PIGQ: variants seen among roughly 807,000 people sequenced by gnomAD.
PIGQ encodes phosphatidylinositol glycan anchor biosynthesis class Q.
Under a neutral mutation model 60.3 loss-of-function variants are expected in PIGQ, and 54 were observed. That is an observed-to-expected ratio of 0.90 (90% confidence interval 0.72 to 1.12). The LOEUF is 1.12. PIGQ is among the 50% of genes most tolerant of loss of function. The pLI, the probability that PIGQ is intolerant of heterozygous loss-of-function variation, is 0.00. For missense variants in PIGQ, 799 were observed against 793.5 expected (o/e 1.01, Z -0.08); for synonymous variants, 416 against 363.7 (o/e 1.14, Z -1.64).
At position 583,236 on chromosome 16, in the gene PIGQ, G is replaced by A; in HGVS notation, c.*201G>A. ...GATGTGGGGGTGGCCAGCCAGGCTG[G>A]CCGCACTCCATCACTGGCACTGCCT... On this transcript the variant is annotated 3_prime_UTR_variant, in exon 11 of 11. Coordinates refer to ENST00000321878, the MANE Select transcript of PIGQ (RefSeq NM_004204.5). The A allele has an allele frequency of 1.2e-6, 2 of 1,612,902 alleles. No homozygotes were observed. The highest frequency in any genetic ancestry group is 2.2e-5 in the East Asian group (1 of 44,860).
intron 4 of PIGQ, among the ~76,000 whole-genome samples, chr16:577,677 G>C (rs1567176191): frequency 6.6e-6 from 1 of 152,222 alleles, no homozygotes. Context: ...CAATGGGCAA[G>C]TGGGGGCCAA....
chr16:583,963 G>C lies in PIGQ; in HGVS notation c.*928G>C, dbSNP rs1480669874. On this transcript the variant is annotated 3_prime_UTR_variant, in exon 11 of 11. Coordinates refer to ENST00000321878, the MANE Select transcript of PIGQ (RefSeq NM_004204.5). The stretch of plus-strand genomic sequence containing the variant: ...TCCGCTTCAGGAGGGGAGCCTGCAG[G>C]TGCCGGCTGGTGAGGGGATGACGCG... 1 of 417,480 alleles carries C rather than the reference G, an allele frequency of 2.4e-6. No individual in the cohort carries two copies. Among genetic ancestry groups the C allele is most frequent in the African/African-American group, 2.0e-5 (1 of 49,128 alleles). 25.9% of individuals were successfully genotyped at this position (417,480 alleles called of 1,614,324 possible). A position where few individuals can be genotyped will look rare whatever the true frequency, so the allele number is the denominator to read the frequency against.
intron 4 of PIGQ, among the ~76,000 whole-genome samples, chr16:577,742 C>T (rs1037431670): frequency 1.3e-5 from 2 of 152,164 alleles, no homozygotes; most frequent in Admixed American, 6.5e-5. Context: ...GGGGTCTGCC[C>T]GCTGGGGCAC....
rs1018763727 is a variant in PIGQ, at chr16:578,907, C to T, written c.1192C>T (p.His398Tyr). ...GGACATTATCGCCCTCCTCACCTTCCACATCTACTGCTTTTACGTCTATGG... is the reference window on the plus strand; with the variant it reads ...GGACATTATCGCCCTCCTCACCTTCTACATCTACTGCTTTTACGTCTATGG... ...LSDIIALLTFHIYCFYVYGAR... is the reference protein window; with the variant it reads ...LSDIIALLTFYIYCFYVYGAR... Residue 398 changes from histidine to tyrosine, a missense_variant, in exon 6 of 11, where the codon CAC (histidine) becomes TAC (tyrosine). By Grantham distance (83) the His-to-Tyr change is moderately conservative. Transcript: ENST00000321878. 3.1e-6 allele frequency: 5 copies of T among 1,613,260 alleles called. No individual in the cohort carries two copies. The highest frequency in any genetic ancestry group is 2.7e-5 in the African/African-American group (2 of 74,910).
chr16:578,104 G>A (rs1020386627), intron 4 of PIGQ: 4 of 371,912 alleles, frequency 1.1e-5, no homozygotes, highest in African/African-American at 6.3e-5. Flanking sequence ...GAGGAAGATG[G>A]TAGAGGTGGG....
At chr16:581,468 C>CTT (rs770274112) in intron 9 of PIGQ, 99 of 441,564 alleles carry the variant, frequency 2.2e-4, no homozygotes, top group South Asian at 3.4e-4. Context: ...CTGCAGGAGG[C>CTT]TTTTTTTTTT....
In PIGQ at chr16:583,680, C is replaced by T. The variant is rs374604975; in HGVS notation, c.*645C>T. 1.0e-4 allele frequency: 166 copies of T among 1,603,540 alleles called. 1 individual carries two copies. Among genetic ancestry groups the T allele is most frequent in the Admixed American group, 5.7e-4 (34 of 59,972 alleles). On this transcript the variant is annotated 3_prime_UTR_variant, in exon 11 of 11. Coordinates refer to ENST00000321878, the MANE Select transcript of PIGQ (RefSeq NM_004204.5). ...GAGCATCGCCAGGCTGCTGTGGGGG[C>T]GGGAGCAGCCTCAGTGTCAAGGGCC... is the stretch of plus-strand genomic sequence containing the variant.
In PIGQ at chr16:583,646, G is replaced by A; in HGVS notation, c.*611G>A. On this transcript the variant is annotated 3_prime_UTR_variant, in exon 11 of 11. Transcript: ENST00000321878. ...AGGTCGCTTTGTGAAGAAACCATCA[G>A]CAGGCTGTGAGCATCGCCAGGCTGC... 1 of 1,612,402 alleles carries A rather than the reference G, an allele frequency of 6.2e-7. No individual in the cohort carries two copies. Among genetic ancestry groups the A allele is most frequent in the Non-Finnish European group, 8.5e-7 (1 of 1,179,872 alleles).
chr16:575,685 ACCACCACCTGGG>A (rs2035704466), intron 2 of PIGQ, among the ~76,000 whole-genome samples, 142 bp from the exon 3 acceptor site: 1 of 152,062 alleles, frequency 6.6e-6, no homozygotes, highest in South Asian at 2.1e-4. Context: ...AGCGCTGCCT[ACCACCACCTGGG>A]CCACCGAGGG....
chr16:581,973 A>G (rs955226264), intron 9 of PIGQ: 13 of 496,668 alleles, frequency 2.6e-5, no homozygotes, highest in South Asian at 2.4e-4. Flanking sequence ...CATGTTGGCC[A>G]GGCTGGTCTT....
Position 578,912 on chromosome 16 carries a change from C to A in PIGQ, c.1197C>A (p.Ile399=). 6.2e-7 allele frequency: 1 copy of A among 1,612,430 alleles called. No homozygotes were observed. Among genetic ancestry groups the A allele is most frequent in the Non-Finnish European group, 8.5e-7 (1 of 1,179,268 alleles). ...TTATCGCCCTCCTCACCTTCCACAT[C>A]TACTGCTTTTACGTCTATGGAGCCA... The part of the protein sequence containing the change: ...SDIIALLTFH[I]YCFYVYGARL... Residue 399 remains isoleucine, a synonymous_variant, in exon 6 of 11, where the codon ATC becomes ATA. Coordinates refer to ENST00000321878, the MANE Select transcript of PIGQ (RefSeq NM_004204.5).
chr16:578,058 G>T (rs1461853690), intron 4 of PIGQ: 33 of 277,010 alleles, frequency 1.2e-4, no homozygotes. Flanking sequence ...GGGGCCGAGG[G>T]CTCCAGTGGG....
chr16:575,907 GGCTGGA>G lies in PIGQ; in HGVS notation c.761_766del (p.Leu254_Glu255del). On this transcript the variant is annotated inframe_deletion, in exon 3 of 11. Coordinates refer to ENST00000321878, the MANE Select transcript of PIGQ (RefSeq NM_004204.5). Reference sequence around the variant, plus strand: ...TCCACGTGCGAACAGCTCCGGCACCGGCTGGAGCACCTCACGCTAATCTTCAGTACA... The same window carrying G: ...TCCACGTGCGAACAGCTCCGGCACCGGCACCTCACGCTAATCTTCAGTACA... The G allele has an allele frequency of 6.3e-7, 1 of 1,578,348 alleles. No individual in the cohort carries two copies. Among genetic ancestry groups the G allele is most frequent in the Non-Finnish European group, 8.6e-7 (1 of 1,161,600 alleles).
chr16:573,104 G>T (rs1205607087), intron 1 of PIGQ, among the ~76,000 whole-genome samples: 1 of 152,210 alleles, frequency 6.6e-6, no homozygotes, highest in Admixed American at 6.5e-5. Context: ...CTGGCTGCAT[G>T]GCTCCGCAGG....
intron 9 of PIGQ, chr16:581,246 T>G (rs2035804835): frequency 1.4e-6 from 2 of 1,401,624 alleles, no homozygotes; most frequent in Non-Finnish European, 1.9e-6. Flanking sequence ...TTCTTCTGCC[T>G]TGGGATTTTC....
At position 583,253 on chromosome 16, in the gene PIGQ, G is replaced by A. The variant is rs530416780; in HGVS notation, c.*218G>A. 3.5e-5 allele frequency: 56 copies of A among 1,612,922 alleles called. 2 individuals carry two copies. The South Asian group carries it at 6.0e-4, about 17-fold the overall frequency. On this transcript the variant is annotated 3_prime_UTR_variant, in exon 11 of 11. Coordinates refer to ENST00000321878, the MANE Select transcript of PIGQ (RefSeq NM_004204.5). ...CCAGGCTGGCCGCACTCCATCACTG[G>A]CACTGCCTGCCTTGGGACCCGCTTC...
intron 3 of PIGQ, 24 bp downstream of exon 3, chr16:575,994 C>A (rs749014095): frequency 2.5e-6 from 4 of 1,571,226 alleles, no homozygotes; most frequent in Non-Finnish European, 3.5e-6. Context: ...CTGGTCTCTG[C>A]AGGGCTGGGT....
chr16:572,503 G>A (rs942164858), intron 1 of PIGQ: 23 of 456,084 alleles, frequency 5.0e-5, no homozygotes, highest in Non-Finnish European at 7.5e-5. Flanking sequence ...TCCAAGCTTC[G>A]GGAGAGGACT....
chr16:583,392 C>A lies in PIGQ; in HGVS notation c.*357C>A, dbSNP rs1433467748. ...GAGGGTCCGTCCACCACAGCAGCCC[C>A]AGGTGGAGGGCTGGTCTCCCTGGGG... On this transcript the variant is annotated 3_prime_UTR_variant, in exon 11 of 11. Coordinates refer to ENST00000321878, the MANE Select transcript of PIGQ (RefSeq NM_004204.5). 6.2e-7 allele frequency: 1 copy of A among 1,612,822 alleles called. No homozygotes were observed. The highest frequency in any genetic ancestry group is 8.5e-7 in the Non-Finnish European group (1 of 1,179,978).
Sources: allele counts gnomAD v4.1 joint callset (sites outside exome capture counted in the v4.1 genomes callset), GRCh38; gene constraint gnomAD v4.1.1; transcripts MANE v1.5; gene names NCBI Gene and HGNC (gene_info 2026-07-23, HGNC 2026-07-21).